The following GRB14 variants were observed in gnomAD, a reference collection of about 807,000 sequenced individuals.
GRB14 encodes the protein growth factor receptor bound protein 14, also known as growth factor receptor-bound protein 14.
GRB14 carries 38 observed loss-of-function variants against 69.1 expected under a neutral mutation model. The ratio of observed to expected loss-of-function variants is 0.55; its 90% CI spans 0.42 to 0.72. The LOEUF (loss-of-function observed/expected upper bound fraction) is 0.72. Ranked by LOEUF, GRB14 falls within the 30% of genes least tolerant of loss-of-function variation. The pLI is 0.00. For missense variants in GRB14, 666 were observed against 666.1 expected, an observed-to-expected ratio of 1.00 and a Z score of 0.00; for synonymous variants, 247 against 241.3, an observed-to-expected ratio of 1.02 and a Z score of -0.22.
chr2:164,536,991 G>T (rs1009157639), intron 3 of GRB14, among the ~76,000 whole-genome samples: 1 of 152,148 alleles, frequency 6.6e-6, no homozygotes, highest in Non-Finnish European at 1.5e-5. Flanking sequence ...GTATGAGTAC[G>T]GACGGTGGCA....
At chr2:164,603,331 C>T (rs752403147) in intron 2 of GRB14, among the ~76,000 whole-genome samples, 2 of 152,062 alleles carry the variant, frequency 1.3e-5, no homozygotes, top group Non-Finnish European at 2.9e-5. Flanking sequence ...ATAAATTGTG[C>T]TATGTCAAAA....
intron 2 of GRB14, among the ~76,000 whole-genome samples, chr2:164,603,386 G>A (rs147535005): frequency 6.4e-4 from 97 of 152,190 alleles, no homozygotes; most frequent in Middle Eastern, 3.4e-3. Context: ...ACATGAGGCC[G>A]GGTGCGGTGG....
chr2:164,554,135 A>G (rs999040713), intron 2 of GRB14, among the ~76,000 whole-genome samples: 1 of 152,154 alleles, frequency 6.6e-6, no homozygotes, highest in African/African-American at 2.4e-5. Context: ...GACTTTTGTG[A>G]TCATGTAAAA....
At chr2:164,567,922 T>C (rs2105327954) in intron 2 of GRB14, among the ~76,000 whole-genome samples, 1 of 152,214 alleles carries the variant, frequency 6.6e-6, no homozygotes, top group East Asian at 1.9e-4. Flanking sequence ...ATATTATGAA[T>C]TATGGTGAAA....
chr2:164,543,307 G>T (rs943296912), intron 3 of GRB14, among the ~76,000 whole-genome samples: 1 of 111,862 alleles, frequency 8.9e-6, no homozygotes, highest in South Asian at 2.7e-4. Flanking sequence ...TCTCAGAAAA[G>T]AAAAAAAAAA....
chr2:164,528,706 C>A (rs916079832), intron 3 of GRB14, among the ~76,000 whole-genome samples: 3 of 152,072 alleles, frequency 2.0e-5, no homozygotes, highest in Non-Finnish European at 1.5e-5. Context: ...CTTTCTCCCC[C>A]TATAAATTAA....
intron 2 of GRB14, among the ~76,000 whole-genome samples, chr2:164,559,457 C>A (rs1266795852): frequency 1.3e-5 from 2 of 152,122 alleles, no homozygotes; most frequent in Non-Finnish European, 1.5e-5. Context: ...TCTTTCCCCC[C>A]AAGTCCCCGA....
rs145547584 is a variant in GRB14, at chr2:164,511,815, C to T, written c.817-2963G>A. ...CTAGCTCGGCCACAGATGGATAGAG[C>T]ACCAGGATGGTTCTGAGGGGTCCCC... On this transcript the variant is annotated intron_variant, in intron 6 of 13. Coordinates refer to ENST00000263915, the MANE Select transcript of GRB14 (RefSeq NM_004490.3). Among the ~76,000 whole-genome samples the T allele has an allele frequency of 2.0e-3, 305 of 152,206 alleles. 1 individual carries two copies. The highest frequency in any genetic ancestry group is 3.5e-3 in the Non-Finnish European group (241 of 68,024).
chr2:164,619,952 G>A, intron 1 of GRB14, 133 bp from the exon 2 acceptor site: 2 of 682,414 alleles, frequency 2.9e-6, no homozygotes, highest in Non-Finnish European at 5.0e-6. Context: ...AAAGTATATA[G>A]AAAAGGTCTG....
chr2:164,558,814 G>T (rs927046649), intron 2 of GRB14, among the ~76,000 whole-genome samples: 37 of 152,192 alleles, frequency 2.4e-4, no homozygotes, highest in African/African-American at 8.4e-4. Flanking sequence ...GTAGGGCAGA[G>T]GTGGAATAAG....
chr2:164,512,311 C>T (rs1687360258), intron 6 of GRB14, among the ~76,000 whole-genome samples: 2 of 152,108 alleles, frequency 1.3e-5, no homozygotes, highest in African/African-American at 2.4e-5. Flanking sequence ...GTATTACAGG[C>T]TTGTGCCACC....
Position 164,560,733 on chromosome 2 carries a change from G to C in GRB14, c.325-12917C>G, listed in dbSNP as rs117505052. On this transcript the variant is annotated intron_variant, in intron 2 of 13. Transcript: ENST00000263915. ...GATAAAACTACCCAAGATAATTTCA[G>C]TTTTCAAACTGCAAAATAATAATTC... is the stretch of plus-strand genomic sequence containing the variant. 1.4e-3 allele frequency among the ~76,000 whole-genome samples: 214 copies of C among 152,122 alleles called. 5 individuals carry two copies. The East Asian group carries it at 0.033, about 24-fold the overall frequency.
chr2:164,609,351 G>C (rs1208093571), intron 2 of GRB14, among the ~76,000 whole-genome samples: 1 of 152,112 alleles, frequency 6.6e-6, no homozygotes, highest in African/African-American at 2.4e-5. Flanking sequence ...CTCTCCTACG[G>C]GATCAACTGG....
At chr2:164,571,867 A>G (rs538790367) in intron 2 of GRB14, among the ~76,000 whole-genome samples, 80 of 152,322 alleles carry the variant, frequency 5.3e-4, no homozygotes, top group African/African-American at 1.9e-3. Context: ...CCACTCTACA[A>G]CATGTGTTTC....
Position 164,493,242 on chromosome 2 carries a change from A to G in GRB14, c.1477-60T>C, listed in dbSNP as rs539669434. The G allele has an allele frequency of 5.4e-6, 8 of 1,491,136 alleles. No homozygotes were observed. The African/African-American group carries it at 8.4e-5, about 16-fold the overall frequency. The allele number at this position is 1,491,136 out of a possible 1,614,324, so 92.4% of individuals were successfully genotyped here. On this transcript the variant is annotated intron_variant, in intron 13 of 13. Coordinates refer to ENST00000263915, the MANE Select transcript of GRB14 (RefSeq NM_004490.3). ...ATAAATTACACAGAAGGACAATCAT[A>G]TTCGATTGCAAACTATCTCCACATG...
chr2:164,520,459 C>A (rs185327399), intron 6 of GRB14, among the ~76,000 whole-genome samples: 1 of 151,702 alleles, frequency 6.6e-6, no homozygotes, highest in East Asian at 1.9e-4. Flanking sequence ...AAAGACTTCC[C>A]GACTAAGAAC....
At chr2:164,561,955 T>G (rs1464628388) in intron 2 of GRB14, among the ~76,000 whole-genome samples, 1 of 152,080 alleles carries the variant, frequency 6.6e-6, no homozygotes, top group Non-Finnish European at 1.5e-5. Context: ...TCCCAAAAGA[T>G]GAGAAACTTG....
intron 5 of GRB14, among the ~76,000 whole-genome samples, chr2:164,524,162 C>T: frequency 6.6e-6 from 1 of 152,072 alleles, no homozygotes; most frequent in African/African-American, 2.4e-5. Flanking sequence ...TAAGGTCAAA[C>T]AATACTGGAA....
chr2:164,577,372 T>C (rs1463550393), intron 2 of GRB14, among the ~76,000 whole-genome samples: 1 of 152,180 alleles, frequency 6.6e-6, no homozygotes, highest in Non-Finnish European at 1.5e-5. Flanking sequence ...TACCCAATGG[T>C]TGGGGAGGGA....
Sources: gnomAD v4.1 joint callset for allele counts (sites outside exome capture counted in the v4.1 genomes callset) on GRCh38, gnomAD v4.1.1 for gene constraint, MANE v1.5 for transcripts, NCBI Gene and HGNC (gene_info 2026-07-23, HGNC 2026-07-21) for gene names.